The following HRH1 variants were observed in gnomAD, a reference collection of about 807,000 sequenced individuals.
The protein encoded by HRH1 is histamine receptor H1.
A neutral mutation model predicts 10.3 loss-of-function variants in HRH1; 6 were observed. That is an observed-to-expected ratio of 0.58 (90% confidence interval 0.32 to 1.15). The LOEUF is 1.15. Ranked by LOEUF, HRH1 falls within the 50% of genes most tolerant of loss-of-function variation. The pLI is 0.05. For synonymous variants in HRH1, 242 were observed against 236.7 expected, an observed-to-expected ratio of 1.02 and a Z score of -0.21; for missense variants, 514 against 615.3, an observed-to-expected ratio of 0.84 and a Z score of 1.74.
rs760694816 is a variant in HRH1, at chr3:11,260,220, C to A, written c.1183C>A (p.Arg395Ser). 6.2e-7 allele frequency: 1 copy of A among 1,613,942 alleles called. No homozygotes were observed. The highest frequency in any genetic ancestry group is 8.5e-7 in the Non-Finnish European group (1 of 1,180,042). ...CATCAAGTTTACTTGGAAGAGGCTC[C>A]GCTCGCATTCAAGACAGTATGTATC... ...DYIKFTWKRLRSHSRQYVSGL... is the reference protein window; with the variant it reads ...DYIKFTWKRLSSHSRQYVSGL... Residue 395 changes from arginine (R) to serine (S), a missense_variant, in exon 2 of 2, where the codon CGC (arginine) becomes AGC (serine). Physicochemically the swap from Arg to Ser is moderately radical, Grantham distance 110. Transcript: ENST00000431010.
intron 1 of HRH1, among the ~76,000 whole-genome samples, chr3:11,178,052 AGAG>A (rs1178035831): frequency 6.6e-6 from 1 of 152,236 alleles, no homozygotes; most frequent in African/African-American, 2.4e-5. Context: ...TTCCAGCAGC[AGAG>A]AAGAGGTGGT....
At chr3:11,176,914 G>A (rs7644987) in intron 1 of HRH1, among the ~76,000 whole-genome samples, 22,480 of 151,942 alleles carry the variant, frequency 0.15, 3,126 homozygotes, top group African/African-American at 0.37. Flanking sequence ...CCAACATGAT[G>A]AAACTCCGTC....
At chr3:11,156,011 T>A (rs1258646897) in intron 1 of HRH1, among the ~76,000 whole-genome samples, 1 of 152,148 alleles carries the variant, frequency 6.6e-6, no homozygotes, top group Non-Finnish European at 1.5e-5. Context: ...CCTGACTCCC[T>A]CTAGATTATG....
At chr3:11,199,414 G>A (rs1298537841) in intron 1 of HRH1, among the ~76,000 whole-genome samples, 1 of 152,136 alleles carries the variant, frequency 6.6e-6, no homozygotes. Context: ...TCTGCCTGCA[G>A]TGTCCCACTA....
intron 1 of HRH1, among the ~76,000 whole-genome samples, chr3:11,176,963 C>T (rs919880610): frequency 2.6e-5 from 4 of 152,050 alleles, no homozygotes; most frequent in African/African-American, 9.7e-5. Flanking sequence ...CGTGGTGGCA[C>T]ACGCCTGTAA....
chr3:11,217,278 C>A (rs1281189097), intron 1 of HRH1, among the ~76,000 whole-genome samples: 5 of 151,784 alleles, frequency 3.3e-5, no homozygotes, highest in African/African-American at 1.2e-4. Context: ...ACCTGTAATC[C>A]CAGCCCTTTG....
In HRH1 at chr3:11,176,929, T is replaced by C. The variant is rs192588136; in HGVS notation, c.-36+22375T>C. On this transcript the variant is annotated intron_variant, in intron 1 of 1. Transcript: ENST00000431010. ...CCAACATGATGAAACTCCGTCTCTA[T>C]GAAAAATACAAAAATTAGTTGGGCG... Among the ~76,000 whole-genome samples the C allele has an allele frequency of 1.3e-3, 201 of 152,002 alleles. 1 individual carries two copies. Among genetic ancestry groups the C allele is most frequent in the African/African-American group, 4.7e-3 (193 of 41,464 alleles).
chr3:11,203,710 G>A (rs1938015974), intron 1 of HRH1, among the ~76,000 whole-genome samples: 1 of 152,062 alleles, frequency 6.6e-6, no homozygotes, highest in Admixed American at 6.5e-5. Flanking sequence ...CCATTACTCT[G>A]TTTATTGTTT....
In HRH1 at chr3:11,227,646, C is replaced by G. The variant is rs548237100; in HGVS notation, c.-35-31357C>G. On this transcript the variant is annotated intron_variant, in intron 1 of 1. Coordinates refer to ENST00000431010, the MANE Select transcript of HRH1 (RefSeq NM_001098212.2). Reference sequence around the variant, plus strand: ...AGGCCTGTCTGAGCTGCACAGGACTCTGGTCTGCACCTGAGCATCTTCCTT... The same window carrying G: ...AGGCCTGTCTGAGCTGCACAGGACTGTGGTCTGCACCTGAGCATCTTCCTT... Among the ~76,000 whole-genome samples, 288 of 152,288 alleles carry G rather than the reference C, an allele frequency of 1.9e-3. 1 individual carries two copies. The highest frequency in any genetic ancestry group is 3.5e-3 in the Non-Finnish European group (241 of 68,034).
chr3:11,191,881 C>G (rs1312395165), intron 1 of HRH1, among the ~76,000 whole-genome samples: 1 of 152,216 alleles, frequency 6.6e-6, no homozygotes, highest in Non-Finnish European at 1.5e-5. Context: ...AAAATGACCC[C>G]ATGTATTTCC....
chr3:11,168,295 C>T (rs1368359914), intron 1 of HRH1, among the ~76,000 whole-genome samples: 1 of 152,084 alleles, frequency 6.6e-6, no homozygotes, highest in Non-Finnish European at 1.5e-5. Context: ...AGGGCACTGC[C>T]GGCCACTAGG....
chr3:11,207,510 A>G (rs1007225303), intron 1 of HRH1, among the ~76,000 whole-genome samples: 14 of 152,082 alleles, frequency 9.2e-5, no homozygotes, highest in Non-Finnish European at 1.3e-4. Context: ...CGGAGCTTGC[A>G]GTGAGCCGAG....
intron 1 of HRH1, among the ~76,000 whole-genome samples, chr3:11,173,631 T>A (rs2125013796): frequency 6.6e-6 from 1 of 152,026 alleles, no homozygotes; most frequent in East Asian, 1.9e-4. Context: ...TAAATATATA[T>A]AAATTAGTTT....
intron 1 of HRH1, among the ~76,000 whole-genome samples, chr3:11,196,370 C>T (rs1937651256): frequency 6.6e-6 from 1 of 152,190 alleles, no homozygotes; most frequent in Admixed American, 6.5e-5. Context: ...CTCACATTTG[C>T]CACAAACACA....
Position 11,260,683 on chromosome 3 carries a change from C to T in HRH1, c.*182C>T, listed in dbSNP as rs200608315. 3.6e-4 allele frequency: 204 copies of T among 571,364 alleles called. 3 individuals carry two copies. In the South Asian group the frequency reaches 5.8e-3, roughly 16 times the overall value. 35.4% of individuals were successfully genotyped at this position (571,364 alleles called of 1,614,324 possible). On this transcript the variant is annotated 3_prime_UTR_variant, in exon 2 of 2. Coordinates refer to ENST00000431010, the MANE Select transcript of HRH1 (RefSeq NM_001098212.2). ...TAGAAGAACAGCAGATGGCGGTGAT[C>T]AGCAGAGAGATTGAACTTTGAGGAG...
upstream of HRH1, among the ~76,000 whole-genome samples, chr3:11,149,590 T>C (rs1430500691): frequency 6.6e-6 from 1 of 152,226 alleles, no homozygotes; most frequent in Non-Finnish European, 1.5e-5. Flanking sequence ...TGACATTCTA[T>C]GTGCTCTTTT....
At chr3:11,156,244 G>A (rs542664101) in intron 1 of HRH1, among the ~76,000 whole-genome samples, 1 of 152,314 alleles carries the variant, frequency 6.6e-6, no homozygotes, top group South Asian at 2.1e-4. Context: ...TTTCAAATGT[G>A]ACAGAGAATC....
chr3:11,224,432 TCA>T lies in HRH1; in HGVS notation c.-35-34569_-35-34568del, dbSNP rs1938814049. ...ATGTTGGAGGGCCGGGCGCGGTGGCTCACGCCTGTAATCCCAGCACTTTGGGA... is the reference window on the plus strand; with the variant it reads ...ATGTTGGAGGGCCGGGCGCGGTGGCTCGCCTGTAATCCCAGCACTTTGGGA... On this transcript the variant is annotated intron_variant, in intron 1 of 1. Transcript: ENST00000431010. Among the ~76,000 whole-genome samples, 3 of 152,302 alleles carry T rather than the reference TCA, an allele frequency of 2.0e-5. No individual in the cohort carries two copies. The South Asian group carries it at 6.2e-4, about 32-fold the overall frequency.
chr3:11,197,014 A>G (rs974857954), intron 1 of HRH1, among the ~76,000 whole-genome samples: 1 of 150,830 alleles, frequency 6.6e-6, no homozygotes, highest in Non-Finnish European at 1.5e-5. Context: ...AGTCCCAGCT[A>G]CTCAGGAGGC....
Sources: allele counts gnomAD v4.1 joint callset (sites outside exome capture counted in the v4.1 genomes callset), GRCh38; gene constraint gnomAD v4.1.1; transcripts MANE v1.5; gene names NCBI Gene and HGNC (gene_info 2026-07-23, HGNC 2026-07-21).